The following CMSS1 variants were observed in gnomAD, a reference collection of about 807,000 sequenced individuals.
CMSS1 encodes protein CMSS1.
Under a neutral mutation model 43.5 loss-of-function variants are expected in CMSS1, and 33 were observed. That is an observed-to-expected ratio of 0.76 (90% CI 0.57 to 1.01). The LOEUF is 1.01. Among genes scored for constraint, CMSS1 ranks in the 50% least tolerant of loss-of-function variants. The pLI is 0.00. For missense variants in CMSS1, 313 were observed against 326.4 expected, an observed-to-expected ratio of 0.96 and a Z score of 0.32; for synonymous variants, 115 against 117.2, an observed-to-expected ratio of 0.98 and a Z score of 0.12.
At position 99,857,111 on chromosome 3, in the gene CMSS1, A is replaced by G. The variant is rs148580599; in HGVS notation, c.64+39068A>G. ...CACATGAATTTTTTTTGAATAAATG[A>G]AAGAATGAACAAATACTCCCTTTTG... is the stretch of plus-strand genomic sequence containing the variant. On this transcript the variant is annotated intron_variant, in intron 1 of 9. Transcript: ENST00000421999. Among the ~76,000 whole-genome samples the G allele has an allele frequency of 1.7e-3, 263 of 152,350 alleles. 1 individual carries two copies. The highest frequency in any genetic ancestry group is 2.6e-3 in the Non-Finnish European group (178 of 68,032).
intron 1 of CMSS1, among the ~76,000 whole-genome samples, chr3:100,072,015 C>T (rs577572150): frequency 2.0e-5 from 3 of 152,270 alleles, no homozygotes; most frequent in South Asian, 2.1e-4. Context: ...CAGTTGTCTC[C>T]GTGGCAAAGT....
At chr3:99,959,453 T>G (rs1219678826) in intron 1 of CMSS1, among the ~76,000 whole-genome samples, 2 of 152,224 alleles carry the variant, frequency 1.3e-5, no homozygotes, top group Non-Finnish European at 2.9e-5. Flanking sequence ...CCTGGCCATT[T>G]TCCTCAAACT....
At chr3:100,004,677 A>G (rs984974995) in intron 1 of CMSS1, among the ~76,000 whole-genome samples, 1 of 152,204 alleles carries the variant, frequency 6.6e-6, no homozygotes, top group African/African-American at 2.4e-5. Context: ...AGAGAGCACC[A>G]TAGGTGGGGG....
At chr3:100,147,106 T>A in intron 2 of CMSS1, 45 bp downstream of exon 2, 1 of 1,607,760 alleles carries the variant, frequency 6.2e-7, no homozygotes, top group Non-Finnish European at 8.5e-7. Context: ...AATTCTGAAA[T>A]CAGCCTTTTC....
chr3:100,004,822 T>A (rs943932404), intron 1 of CMSS1, among the ~76,000 whole-genome samples: 1 of 152,166 alleles, frequency 6.6e-6, no homozygotes, highest in African/African-American at 2.4e-5. Flanking sequence ...AATGTTTGAG[T>A]TTCCCCCTAT....
chr3:100,020,812 G>C (rs1014805982), intron 1 of CMSS1, among the ~76,000 whole-genome samples: 4 of 130,820 alleles, frequency 3.1e-5, no homozygotes, highest in Admixed American at 8.9e-5. Context: ...CTGTTGCCAG[G>C]TTTGGAGTAC....
At chr3:100,081,172 A>G (rs1384419092) in intron 1 of CMSS1, among the ~76,000 whole-genome samples, 1 of 152,146 alleles carries the variant, frequency 6.6e-6, no homozygotes, top group Non-Finnish European at 1.5e-5. Flanking sequence ...ATGGTTCATA[A>G]TCCTCTCTCA....
At chr3:100,080,827 T>C (rs1270729695) in intron 1 of CMSS1, among the ~76,000 whole-genome samples, 1 of 152,228 alleles carries the variant, frequency 6.6e-6, no homozygotes, top group Non-Finnish European at 1.5e-5. Context: ...GACTGCCTTT[T>C]CTTGCATAGT....
Position 99,927,608 on chromosome 3 carries a change from A to T in CMSS1, c.64+109565A>T, listed in dbSNP as rs377507232. Among the ~76,000 whole-genome samples the T allele has an allele frequency of 3.9e-5, 6 of 152,166 alleles. No individual in the cohort carries two copies. The East Asian group carries it at 9.6e-4, about 24-fold the overall frequency. ...GGTCTCGAATTCCCGACCTCAGGTG[A>T]TCTGCCTGCCTCGGCCTCCCAAAGT... On this transcript the variant is annotated intron_variant, in intron 1 of 9. Coordinates refer to ENST00000421999, the MANE Select transcript of CMSS1 (RefSeq NM_032359.4).
chr3:100,034,809 C>G (rs1368294037), intron 1 of CMSS1, among the ~76,000 whole-genome samples: 1 of 152,106 alleles, frequency 6.6e-6, no homozygotes, highest in East Asian at 1.9e-4. Flanking sequence ...AATATGCAGC[C>G]TTAGGAGAAT....
At chr3:99,824,624 G>A (rs1325443277) in intron 1 of CMSS1, among the ~76,000 whole-genome samples, 1 of 152,216 alleles carries the variant, frequency 6.6e-6, no homozygotes, top group Non-Finnish European at 1.5e-5. Context: ...ACCTTGATCT[G>A]CTGGCAGATT....
intron 1 of CMSS1, among the ~76,000 whole-genome samples, chr3:99,870,926 CT>C (rs1161532010): frequency 6.6e-6 from 1 of 152,190 alleles, no homozygotes; most frequent in Non-Finnish European, 1.5e-5. Context: ...TCATTAACCA[CT>C]GCACTGTGTT....
chr3:99,853,135 T>C (rs1184538516), intron 1 of CMSS1, among the ~76,000 whole-genome samples: 5 of 152,204 alleles, frequency 3.3e-5, no homozygotes, highest in Non-Finnish European at 5.9e-5. Flanking sequence ...TCTCAAATGG[T>C]CATGGGACTT....
intron 1 of CMSS1, among the ~76,000 whole-genome samples, chr3:99,989,060 TA>T (rs1275000740): frequency 6.6e-6 from 1 of 152,230 alleles, no homozygotes; most frequent in Non-Finnish European, 1.5e-5. Flanking sequence ...TTCCATCTCA[TA>T]AACTTACTTA....
At position 100,167,741 on chromosome 3, in the gene CMSS1, G is replaced by T; in HGVS notation, c.419G>T (p.Cys140Phe). 6.2e-7 allele frequency: 1 copy of T among 1,605,814 alleles called. No homozygotes were observed. Residue 140 changes from cysteine to phenylalanine, a missense_variant, in exon 6 of 10, where the codon TGT (cysteine) becomes TTT (phenylalanine). Transcript: ENST00000421999. ...TGTTTTCTGTTCTTTTTTCCAGTTT[G>T]TCCTAAGTGGGTAAAACTTAGGAAG... ...HSLSSYLKEI[C>F]PKWVKLRKNH...
chr3:99,992,787 T>A (rs1043068485), intron 1 of CMSS1, among the ~76,000 whole-genome samples: 2 of 152,132 alleles, frequency 1.3e-5, no homozygotes, highest in Admixed American at 6.5e-5. Context: ...CTAAGGTTTT[T>A]ATGGTTTCAG....
At chr3:100,035,245 C>T (rs764366609) in intron 1 of CMSS1, among the ~76,000 whole-genome samples, 2 of 152,102 alleles carry the variant, frequency 1.3e-5, no homozygotes, top group Non-Finnish European at 2.9e-5. Context: ...AATGTCCATG[C>T]TGTGCGCATA....
intron 1 of CMSS1, among the ~76,000 whole-genome samples, chr3:99,932,274 A>G (rs1707506125): frequency 6.6e-6 from 1 of 152,138 alleles, no homozygotes; most frequent in African/African-American, 2.4e-5. Flanking sequence ...ATGTACATAT[A>G]TATTGCTGAA....
intron 1 of CMSS1, among the ~76,000 whole-genome samples, chr3:99,999,342 G>A (rs1381851032): frequency 2.0e-5 from 3 of 152,192 alleles, no homozygotes; most frequent in Admixed American, 6.5e-5. Flanking sequence ...AATGGAAGGC[G>A]TGTATATTCC....
Sources: allele counts gnomAD v4.1 joint callset (sites outside exome capture counted in the v4.1 genomes callset), GRCh38; gene constraint gnomAD v4.1.1; transcripts MANE v1.5; gene names NCBI Gene and HGNC (gene_info 2026-07-23, HGNC 2026-07-21).